Variants in TSNARE1 observed in about 807,000 individuals in gnomAD.
TSNARE1 encodes t-SNARE domain containing 1.
TSNARE1 carries 49 observed loss-of-function variants against 62.0 expected under a neutral mutation model. The ratio of observed to expected loss-of-function variants is 0.79; its 90% CI spans 0.63 to 1.00. The LOEUF (loss-of-function observed/expected upper bound fraction) is 1.00. Among genes scored for constraint, TSNARE1 ranks in the 50% least tolerant of loss-of-function variants. The pLI, the probability that TSNARE1 is intolerant of heterozygous loss-of-function variation, is 0.00. For synonymous variants in TSNARE1, 328 were observed against 294.4 expected (o/e 1.11, Z -1.17); for missense variants, 755 against 700.1 (o/e 1.08, Z -0.88).
intron 11 of TSNARE1, among the ~76,000 whole-genome samples, chr8:142,280,532 C>T (rs1821251106): frequency 6.6e-6 from 1 of 152,202 alleles, no homozygotes; most frequent in African/African-American, 2.4e-5. Context: ...CGGCAGGTGC[C>T]CTCTGCCCTC....
At chr8:142,378,614 C>A (rs938437485) in intron 1 of TSNARE1, among the ~76,000 whole-genome samples, 30 of 152,212 alleles carry the variant, frequency 2.0e-4, no homozygotes, top group African/African-American at 7.2e-4. Flanking sequence ...GGGTAAGAAG[C>A]CAGTCCCAAA....
At chr8:142,398,383 A>T (rs1209064350) in intron 1 of TSNARE1, among the ~76,000 whole-genome samples, 1 of 96,938 alleles carries the variant, frequency 1.0e-5, no homozygotes, top group South Asian at 3.3e-4. Flanking sequence ...CCCAAAACAC[A>T]CCTCCAGCCC....
intron 1 of TSNARE1, among the ~76,000 whole-genome samples, chr8:142,366,734 A>G (rs1016627898): frequency 8.5e-5 from 13 of 152,258 alleles, no homozygotes; most frequent in Non-Finnish European, 1.8e-4. Context: ...GGTGCCAGCT[A>G]TCTCCAGTCC....
At chr8:142,322,426 A>C (rs1252961472) in intron 6 of TSNARE1, among the ~76,000 whole-genome samples, 1 of 152,228 alleles carries the variant, frequency 6.6e-6, no homozygotes, top group African/African-American at 2.4e-5. Flanking sequence ...CCTAGGAATA[A>C]GGGGGAAAGA....
chr8:142,358,388 A>G (rs548361763), intron 1 of TSNARE1, among the ~76,000 whole-genome samples: 73 of 152,296 alleles, frequency 4.8e-4, no homozygotes, highest in African/African-American at 1.7e-3. Flanking sequence ...AGGAACGCTC[A>G]TGGGAGGAGG....
At chr8:142,391,289 CTG>C (rs1286891051) in intron 1 of TSNARE1, among the ~76,000 whole-genome samples, 1 of 145,788 alleles carries the variant, frequency 6.9e-6, no homozygotes, top group Non-Finnish European at 1.5e-5. Flanking sequence ...GCTGGGGACT[CTG>C]TAACAGACGC....
At chr8:142,370,053 A>G (rs1669596490) in intron 1 of TSNARE1, among the ~76,000 whole-genome samples, 1 of 152,210 alleles carries the variant, frequency 6.6e-6, no homozygotes, top group Admixed American at 6.5e-5. Context: ...GCCCTTATAA[A>G]TAAGACCCCA....
intron 9 of TSNARE1, among the ~76,000 whole-genome samples, chr8:142,305,344 G>A (rs1489276950): frequency 6.6e-6 from 1 of 150,884 alleles, no homozygotes; most frequent in African/African-American, 2.4e-5. Flanking sequence ...AGGGGAGGGC[G>A]CAGGGGTGGG....
At chr8:142,283,853 T>A (rs1822206852) in intron 11 of TSNARE1, among the ~76,000 whole-genome samples, 2 of 139,026 alleles carry the variant, frequency 1.4e-5, no homozygotes, top group Non-Finnish European at 3.2e-5. Context: ...GCAGGGTTAG[T>A]GTCTGTCAAC....
chr8:142,375,657 C>T (rs898977425), intron 1 of TSNARE1, among the ~76,000 whole-genome samples: 1 of 152,242 alleles, frequency 6.6e-6, no homozygotes, highest in Non-Finnish European at 1.5e-5. Flanking sequence ...TCTGACCCTT[C>T]AATTAGCAAA....
At chr8:142,388,827 C>T (rs777279532) in intron 1 of TSNARE1, among the ~76,000 whole-genome samples, 31 of 152,104 alleles carry the variant, frequency 2.0e-4, no homozygotes, top group Non-Finnish European at 3.7e-4. Flanking sequence ...CTGTCTGCCC[C>T]GGCCTCCCAA....
At chr8:142,271,873 G>A (rs1819603036) in intron 12 of TSNARE1, among the ~76,000 whole-genome samples, 1 of 151,984 alleles carries the variant, frequency 6.6e-6, no homozygotes, top group South Asian at 2.1e-4. Context: ...CAGACCCAGA[G>A]AGGTGGGCAC....
intron 1 of TSNARE1, among the ~76,000 whole-genome samples, chr8:142,381,403 G>A (rs1010688217): frequency 6.6e-6 from 1 of 152,154 alleles, no homozygotes; most frequent in African/African-American, 2.4e-5. Context: ...TGTCAGTGCT[G>A]GGGGAGCCTC....
At chr8:142,354,178 T>C (rs1397579639) in intron 2 of TSNARE1, among the ~76,000 whole-genome samples, 3 of 152,014 alleles carry the variant, frequency 2.0e-5, no homozygotes, top group Non-Finnish European at 4.4e-5. Flanking sequence ...CTGAAACACC[T>C]AGAAATAAAC....
chr8:142,311,561 T>G (rs1317710469), intron 9 of TSNARE1, among the ~76,000 whole-genome samples: 1 of 152,142 alleles, frequency 6.6e-6, no homozygotes, highest in Non-Finnish European at 1.5e-5. Context: ...CCTCCCAAAG[T>G]GCTGGGATAC....
chr8:142,371,238 T>C (rs192184145), intron 1 of TSNARE1, among the ~76,000 whole-genome samples: 22 of 152,266 alleles, frequency 1.4e-4, no homozygotes, highest in Admixed American at 8.5e-4. Context: ...ACTCCAGGCC[T>C]AGAGGCTTCA....
intron 7 of TSNARE1, among the ~76,000 whole-genome samples, chr8:142,315,330 T>C (rs1465726154): frequency 6.6e-6 from 1 of 152,316 alleles, no homozygotes; most frequent in East Asian, 1.9e-4. Context: ...AGCCAGGAGC[T>C]ACCCAAGGCA....
intron 9 of TSNARE1, among the ~76,000 whole-genome samples, chr8:142,310,738 T>C (rs895612353): frequency 4.6e-5 from 7 of 152,262 alleles, no homozygotes; most frequent in African/African-American, 1.7e-4. Context: ...TTTCTCTGAC[T>C]TTAATGTGCT....
rs779524889 is a variant in TSNARE1, at chr8:142,300,567, C to T, written c.1209G>A (p.Gln403=). The T allele has an allele frequency of 1.2e-6, 2 of 1,613,294 alleles. No individual in the cohort carries two copies. The highest frequency in any genetic ancestry group is 1.7e-6 in the Non-Finnish European group (2 of 1,180,008). Residue 403 remains glutamine (Q), a synonymous_variant, in exon 10 of 14, where the codon CAG becomes CAA. Coordinates refer to ENST00000524325, the MANE Select transcript of TSNARE1 (RefSeq NM_145003.5). Reference sequence around the variant, plus strand: ...TGATGTCCGGGAGCAGCGCCTGCTCCTGGCCCTGCCACATGTTGTCACTCC... The same window carrying T: ...TGATGTCCGGGAGCAGCGCCTGCTCTTGGCCCTGCCACATGTTGTCACTCC... ...FNGSDNMWQG[Q]EQALLPDITE...
Sources: allele counts gnomAD v4.1 joint callset (sites outside exome capture counted in the v4.1 genomes callset), GRCh38; gene constraint gnomAD v4.1.1; transcripts MANE v1.5; gene names NCBI Gene and HGNC (gene_info 2026-07-23, HGNC 2026-07-21).